NCOA1: variants seen among roughly 807,000 people sequenced by gnomAD.
NCOA1 encodes the protein nuclear receptor coactivator 1.
In NCOA1, 35 loss-of-function variants were observed where a neutral mutation model predicts 150.9. The ratio of observed to expected loss-of-function variants is 0.23; its 90% confidence interval spans 0.18 to 0.31. The LOEUF (loss-of-function observed/expected upper bound fraction) is 0.31, where lower values mean the gene tolerates loss of function less well. Among genes scored for constraint, NCOA1 ranks in the 10% least tolerant of loss-of-function variants. NCOA1 has a pLI of 1.00. For missense variants in NCOA1, 1,491 were observed against 1,749.3 expected, an observed-to-expected ratio of 0.85 and a Z score of 2.63; for synonymous variants, 590 against 630.0, an observed-to-expected ratio of 0.94 and a Z score of 0.95.
chr2:24,742,310 G>C, intron 19 of NCOA1, 124 bp downstream of exon 19: 1 of 1,150,216 alleles, frequency 8.7e-7, no homozygotes, highest in Non-Finnish European at 1.2e-6. Context: ...TGACGTGGGA[G>C]TCTGGAGACC....
intron 3 of NCOA1, among the ~76,000 whole-genome samples, chr2:24,628,941 G>T (rs1395354822): frequency 2.0e-5 from 3 of 152,160 alleles, no homozygotes; most frequent in African/African-American, 4.8e-5. Context: ...GTGTAAGCAG[G>T]ATTAGAATAG....
At chr2:24,517,429 C>T (rs369818221) in intron 1 of NCOA1, among the ~76,000 whole-genome samples, 1 of 152,076 alleles carries the variant, frequency 6.6e-6, no homozygotes, top group East Asian at 1.9e-4. Flanking sequence ...CATTTTCTCA[C>T]AGCCAGGCCC....
intron 1 of NCOA1, among the ~76,000 whole-genome samples, chr2:24,541,172 C>T (rs1041453273): frequency 6.6e-6 from 1 of 152,138 alleles, no homozygotes; most frequent in African/African-American, 2.4e-5. Flanking sequence ...TTGATAATGG[C>T]AGTTCATGGG....
At chr2:24,510,979 C>T (rs910454618) in intron 1 of NCOA1, among the ~76,000 whole-genome samples, 1 of 152,154 alleles carries the variant, frequency 6.6e-6, no homozygotes, top group Non-Finnish European at 1.5e-5. Flanking sequence ...AAAGAAATTC[C>T]GTGCCTGTTA....
chr2:24,496,665 A>T (rs1432473627), intron 1 of NCOA1, among the ~76,000 whole-genome samples: 1 of 152,216 alleles, frequency 6.6e-6, no homozygotes, highest in Non-Finnish European at 1.5e-5. Context: ...GATGCCAGGA[A>T]CTACAACATT....
intron 11 of NCOA1, among the ~76,000 whole-genome samples, chr2:24,702,708 A>G (rs1255559031): frequency 1.3e-5 from 2 of 152,210 alleles, no homozygotes; most frequent in South Asian, 2.1e-4. Context: ...TAAGTGTTCT[A>G]AGGAGTTTAG....
At chr2:24,764,902 G>C (rs528560740) in intron 22 of NCOA1, among the ~76,000 whole-genome samples, 1 of 152,282 alleles carries the variant, frequency 6.6e-6, no homozygotes, top group South Asian at 2.1e-4. Context: ...AAGGTAAAGA[G>C]AAGGCATTTT....
At position 24,741,912 on chromosome 2, in the gene NCOA1, C is replaced by A. The variant is rs770435900; in HGVS notation, c.3432C>A (p.Leu1144=). ...LMRQQSFGNN[L]PPSSGLPVQM... ...GGCAGCAAAGCTTTGGGAACAACCT[C>A]CCTCCCTCATCTGGACTACCAGTTC... Residue 1144 remains leucine (L), a synonymous_variant, in exon 19 of 23, where the codon CTC becomes CTA. Coordinates refer to ENST00000348332, the MANE Select transcript of NCOA1 (RefSeq NM_003743.5). 3.7e-6 allele frequency: 6 copies of A among 1,614,118 alleles called. No homozygotes were observed. In the Admixed American group the frequency reaches 6.7e-5, roughly 18 times the overall value.
At chr2:24,670,004 G>T (rs4665711) in intron 6 of NCOA1, among the ~76,000 whole-genome samples, 77,749 of 152,014 alleles carry the variant, frequency 0.51, 21,450 homozygotes, top group Admixed American at 0.67. Context: ...CAGGCACAGT[G>T]GTGCATCCCT....
intron 7 of NCOA1, 93 bp from the exon 8 acceptor site, chr2:24,682,858 T>C (rs1672240395): frequency 2.7e-6 from 3 of 1,101,534 alleles, no homozygotes; most frequent in East Asian, 2.8e-5. Flanking sequence ...TCTTGACATA[T>C]ATTTCTGATC....
intron 1 of NCOA1, among the ~76,000 whole-genome samples, chr2:24,558,623 G>A (rs544556761): frequency 6.6e-6 from 1 of 152,298 alleles, no homozygotes; most frequent in South Asian, 2.1e-4. Context: ...TACAATTCAA[G>A]TTGAGATTTG....
At chr2:24,560,596 A>G (rs1486856938) in intron 1 of NCOA1, among the ~76,000 whole-genome samples, 1 of 152,104 alleles carries the variant, frequency 6.6e-6, no homozygotes, top group African/African-American at 2.4e-5. Context: ...TGATCACTTC[A>G]TCTTTTAGGT....
At chr2:24,710,306 G>A (rs927801055) in intron 13 of NCOA1, among the ~76,000 whole-genome samples, 1 of 151,858 alleles carries the variant, frequency 6.6e-6, no homozygotes, top group Non-Finnish European at 1.5e-5. Context: ...TGGCCAGGCT[G>A]GTCTCGAACT....
chr2:24,706,284 TTAC>T (rs1673419716), intron 12 of NCOA1, among the ~76,000 whole-genome samples: 2 of 152,112 alleles, frequency 1.3e-5, no homozygotes, highest in Non-Finnish European at 2.9e-5. Context: ...AGAAAAATTT[TTAC>T]ATTATATTTT....
At chr2:24,762,376 C>T (rs1664832640) in intron 21 of NCOA1, among the ~76,000 whole-genome samples, 1 of 152,182 alleles carries the variant, frequency 6.6e-6, no homozygotes, top group South Asian at 2.1e-4. Context: ...ATTAAAGTAT[C>T]ATATATAAGA....
intron 1 of NCOA1, among the ~76,000 whole-genome samples, chr2:24,534,623 G>A (rs1217640642): frequency 1.3e-5 from 2 of 152,174 alleles, no homozygotes; most frequent in Admixed American, 6.5e-5. Context: ...TGCTTTAAAT[G>A]TGTCCCAGAG....
intron 1 of NCOA1, among the ~76,000 whole-genome samples, chr2:24,529,246 T>G (rs1479224017): frequency 6.6e-6 from 1 of 152,240 alleles, no homozygotes; most frequent in Non-Finnish European, 1.5e-5. Context: ...CAGGGTAACC[T>G]GGGACTGAGC....
chr2:24,707,484 T>C lies in NCOA1; in HGVS notation c.2014T>C (p.Ser672Pro). 4 of 1,614,202 alleles carry C rather than the reference T, an allele frequency of 2.5e-6. No homozygotes were observed. The highest frequency in any genetic ancestry group is 3.4e-6 in the Non-Finnish European group (4 of 1,180,026). The change falls in exon 13 of 23, where the codon TCA becomes CCA. Residue 672 changes from serine to proline, a missense_variant. Physicochemically the swap from Ser to Pro is moderately conservative, Grantham distance 74 (BLOSUM62 -1). Coordinates refer to ENST00000348332, the MANE Select transcript of NCOA1 (RefSeq NM_003743.5). ...TTCCAACTCTGCCTCTGCTAACTCT[T>C]CAGGAGGTTCTTGTCCCTCTTCTCA... Reference protein sequence around the residue: ...GTSNSASANSSGGSCPSSHSS... With the variant: ...GTSNSASANSPGGSCPSSHSS...
chr2:24,750,995 CTT>C (rs200504475), intron 19 of NCOA1, among the ~76,000 whole-genome samples: 1 of 142,334 alleles, frequency 7.0e-6, no homozygotes. Flanking sequence ...TTTTCTTTTT[CTT>C]TTTTTTTTTT....
Sources: gnomAD v4.1 joint callset for allele counts (sites outside exome capture counted in the v4.1 genomes callset) on GRCh38, gnomAD v4.1.1 for gene constraint, MANE v1.5 for transcripts, NCBI Gene and HGNC (gene_info 2026-07-23, HGNC 2026-07-21) for gene names.